SLC24A2: variants seen among roughly 807,000 people sequenced by gnomAD.
SLC24A2 encodes solute carrier family 24 member 2, also known as sodium/potassium/calcium exchanger 2.
A neutral mutation model predicts 62.0 loss-of-function variants in SLC24A2; 36 were observed. That is an observed-to-expected ratio of 0.58 (90% CI 0.44 to 0.77). SLC24A2 has a LOEUF of 0.77. Among genes scored for constraint, SLC24A2 ranks in the 30% least tolerant of loss-of-function variants. SLC24A2 has a pLI of 0.00. For missense variants in SLC24A2, 846 were observed against 817.9 expected (o/e 1.03, Z -0.42); for synonymous variants, 358 against 294.0 (o/e 1.22, Z -2.23).
chr9:20,105,090 A>G, the SLC24A2 span, among the ~76,000 whole-genome samples: 1 of 152,222 alleles, frequency 6.6e-6, no homozygotes, highest in Non-Finnish European at 1.5e-5. Flanking sequence ...AAAGATCAAA[A>G]GAGACAAAGA....
chr9:19,520,972 A>G lies in SLC24A2; in HGVS notation c.1658T>C (p.Val553Ala). The G allele has an allele frequency of 6.2e-7, 1 of 1,614,082 alleles. No homozygotes were observed. The highest frequency in any genetic ancestry group is 1.1e-5 in the South Asian group (1 of 91,076). The stretch of plus-strand genomic sequence containing the variant: ...CCCTAACCCCTTCCGGGCCACTATG[A>G]CACTGGTGATAAGATCAGGGATGGA... ...GTSIPDLITSVIVARKGLGDM... is the reference protein window; with the variant it reads ...GTSIPDLITSAIVARKGLGDM... The change falls in exon 10 of 11, where the codon GTC becomes GCC. Residue 553 changes from valine (V) to alanine (A), a missense_variant. Transcript: ENST00000341998.
intron 7 of SLC24A2, among the ~76,000 whole-genome samples, chr9:19,572,759 T>C (rs1022558678): frequency 1.7e-4 from 26 of 152,172 alleles, no homozygotes; most frequent in African/African-American, 6.3e-4. Context: ...GTTTGATAAA[T>C]GTTAGGTTTT....
At chr9:20,189,076 CTTT>C in the SLC24A2 span, among the ~76,000 whole-genome samples, 3 of 96,522 alleles carry the variant, frequency 3.1e-5, no homozygotes, top group Admixed American at 3.5e-4. Flanking sequence ...CTTTTTTTTT[CTTT>C]TTTTTTTTTT....
the SLC24A2 span, among the ~76,000 whole-genome samples, chr9:20,169,806 A>G: frequency 6.6e-6 from 1 of 152,014 alleles, no homozygotes; most frequent in Non-Finnish European, 1.5e-5. Flanking sequence ...CACTAGGTCA[A>G]CAGCAATGGT....
chr9:19,969,674 C>T, the SLC24A2 span, among the ~76,000 whole-genome samples: 1 of 152,012 alleles, frequency 6.6e-6, no homozygotes, highest in Non-Finnish European at 1.5e-5. Context: ...AGAAGCAAGG[C>T]GGTAGAAAGT....
At chr9:19,841,689 T>A in the SLC24A2 span, among the ~76,000 whole-genome samples, 1 of 152,172 alleles carries the variant, frequency 6.6e-6, no homozygotes, top group African/African-American at 2.4e-5. Flanking sequence ...ATTGGAATAT[T>A]GGTAACAAGG....
At chr9:20,077,522 C>G in the SLC24A2 span, among the ~76,000 whole-genome samples, 1 of 151,942 alleles carries the variant, frequency 6.6e-6, no homozygotes, top group Non-Finnish European at 1.5e-5. Context: ...TGTGGGGCCC[C>G]TTCTTTAGTC....
At chr9:20,235,955 T>C in the SLC24A2 span, among the ~76,000 whole-genome samples, 78 of 152,348 alleles carry the variant, frequency 5.1e-4, no homozygotes, top group African/African-American at 1.8e-3. Context: ...CTGGGATCCA[T>C]ATACTGTTGT....
intron 2 of SLC24A2, among the ~76,000 whole-genome samples, chr9:19,738,931 A>G (rs963068130): frequency 1.3e-5 from 2 of 152,186 alleles, no homozygotes; most frequent in Admixed American, 1.3e-4. Context: ...AGCCTGGCCA[A>G]TATGGTGAAA....
chr9:20,071,117 T>G, the SLC24A2 span, among the ~76,000 whole-genome samples: 2 of 152,188 alleles, frequency 1.3e-5, no homozygotes, highest in Admixed American at 6.5e-5. Flanking sequence ...CCACCATGAT[T>G]GGAAGCTTCC....
chr9:20,029,397 T>C, the SLC24A2 span, among the ~76,000 whole-genome samples: 4 of 152,212 alleles, frequency 2.6e-5, no homozygotes, highest in Non-Finnish European at 5.9e-5. Context: ...GGTGAATTGC[T>C]TTACTTCATT....
chr9:20,198,538 A>G, the SLC24A2 span, among the ~76,000 whole-genome samples: 1 of 152,144 alleles, frequency 6.6e-6, no homozygotes, highest in Admixed American at 6.5e-5. Context: ...CAGCAGGCTC[A>G]TCCCAATAGC....
At chr9:19,880,302 G>A in the SLC24A2 span, among the ~76,000 whole-genome samples, 1 of 152,316 alleles carries the variant, frequency 6.6e-6, no homozygotes, top group South Asian at 2.1e-4. Context: ...TGGTTGGCAT[G>A]CAACTTTTCA....
intron 7 of SLC24A2, among the ~76,000 whole-genome samples, chr9:19,567,759 T>C (rs1428673444): frequency 6.6e-6 from 1 of 151,874 alleles, no homozygotes; most frequent in African/African-American, 2.4e-5. Context: ...TTTCTCAGTG[T>C]TGGAATCAAC....
At chr9:20,272,519 T>G in the SLC24A2 span, among the ~76,000 whole-genome samples, 1 of 152,224 alleles carries the variant, frequency 6.6e-6, no homozygotes, top group African/African-American at 2.4e-5. Flanking sequence ...CAAGACCCTA[T>G]GCTTCTCTGA....
intron 5 of SLC24A2, among the ~76,000 whole-genome samples, chr9:19,582,367 G>C (rs1836234519): frequency 1.3e-5 from 2 of 152,146 alleles, no homozygotes; most frequent in African/African-American, 2.4e-5. Flanking sequence ...GTCTATAATA[G>C]GCAGGGTTAC....
chr9:19,724,648 C>A (rs1446806495), intron 2 of SLC24A2, among the ~76,000 whole-genome samples: 1 of 152,144 alleles, frequency 6.6e-6, no homozygotes. Context: ...GAACATTCAG[C>A]TTATGCCCAA....
At chr9:19,518,749 T>C (rs961106794) in intron 10 of SLC24A2, among the ~76,000 whole-genome samples, 3 of 152,086 alleles carry the variant, frequency 2.0e-5, no homozygotes, top group Non-Finnish European at 4.4e-5. Flanking sequence ...AATCTGTGAG[T>C]ATATGTTAAT....
the SLC24A2 span, among the ~76,000 whole-genome samples, chr9:20,006,184 A>G: frequency 3.0e-4 from 46 of 151,758 alleles, no homozygotes; most frequent in Middle Eastern, 0.01. Flanking sequence ...ATTAATATGT[A>G]ATTAAATTTA....
Sources: allele counts gnomAD v4.1 joint callset (sites outside exome capture counted in the v4.1 genomes callset), GRCh38; gene constraint gnomAD v4.1.1; transcripts MANE v1.5; gene names NCBI Gene and HGNC (gene_info 2026-07-23, HGNC 2026-07-21).